Variants in PPARGC1A observed in about 807,000 individuals in gnomAD.
PPARGC1A encodes the protein peroxisome proliferator-activated receptor gamma coactivator 1-alpha.
PPARGC1A carries 25 observed loss-of-function variants against 88.7 expected under a neutral mutation model. That is an observed-to-expected ratio of 0.28 (90% confidence interval 0.21 to 0.39). PPARGC1A has a LOEUF of 0.39. Among genes scored for constraint, PPARGC1A ranks in the 10% least tolerant of loss-of-function variants. The pLI is 1.00. For synonymous variants in PPARGC1A, 363 were observed against 355.6 expected (o/e 1.02, Z -0.24); for missense variants, 880 against 968.7 (o/e 0.91, Z 1.22).
chr4:24,329,903 G>A, the PPARGC1A span, among the ~76,000 whole-genome samples: 2 of 152,182 alleles, frequency 1.3e-5, no homozygotes, highest in African/African-American at 4.8e-5. Context: ...AAACTAGGGA[G>A]TGAGTATTCT....
At chr4:24,199,375 AAAT>A in the PPARGC1A span, among the ~76,000 whole-genome samples, 1 of 152,116 alleles carries the variant, frequency 6.6e-6, no homozygotes, top group Non-Finnish European at 1.5e-5. Context: ...CAGCCACAGA[AAAT>A]AATAATAATA....
chr4:24,255,025 T>A, the PPARGC1A span, among the ~76,000 whole-genome samples: 1 of 152,196 alleles, frequency 6.6e-6, no homozygotes, highest in Non-Finnish European at 1.5e-5. Context: ...TTGTAAAGAC[T>A]GAGCATATTT....
intron 10 of PPARGC1A, among the ~76,000 whole-genome samples, chr4:23,805,034 T>C (rs1719527160): frequency 6.6e-6 from 1 of 152,210 alleles, no homozygotes; most frequent in African/African-American, 2.4e-5. Context: ...CACTACTGTA[T>C]TTTAAACAAA....
chr4:24,448,202 C>A, the PPARGC1A span, among the ~76,000 whole-genome samples: 1 of 152,158 alleles, frequency 6.6e-6, no homozygotes, highest in African/African-American at 2.4e-5. Context: ...GATGAAACAG[C>A]CTTGGCCCAG....
chr4:24,035,632 A>G, the PPARGC1A span, among the ~76,000 whole-genome samples: 37 of 152,244 alleles, frequency 2.4e-4, no homozygotes, highest in African/African-American at 7.7e-4. Context: ...GTAGAGCTTC[A>G]TATAGCTTAA....
chr4:24,168,100 G>C, the PPARGC1A span, among the ~76,000 whole-genome samples: 1 of 152,198 alleles, frequency 6.6e-6, no homozygotes. Context: ...TATACATAAT[G>C]CTATCACACA....
At chr4:24,189,262 T>C in the PPARGC1A span, among the ~76,000 whole-genome samples, 1 of 152,146 alleles carries the variant, frequency 6.6e-6, no homozygotes, top group African/African-American at 2.4e-5. Flanking sequence ...TTAATATCGC[T>C]GAACTATATG....
the PPARGC1A span, among the ~76,000 whole-genome samples, chr4:24,225,757 G>A: frequency 1.3e-5 from 2 of 152,020 alleles, no homozygotes; most frequent in Admixed American, 1.3e-4. Flanking sequence ...GGAGGAATAG[G>A]TTTGGATGGA....
the PPARGC1A span, among the ~76,000 whole-genome samples, chr4:23,915,234 T>C: frequency 3.9e-5 from 6 of 152,184 alleles, no homozygotes; most frequent in African/African-American, 1.2e-4. Context: ...AATAGGAATA[T>C]CATATCAATA....
intron 2 of PPARGC1A, among the ~76,000 whole-genome samples, chr4:23,865,108 C>A (rs934350839): frequency 2.0e-5 from 3 of 152,118 alleles, no homozygotes; most frequent in African/African-American, 7.2e-5. Flanking sequence ...TCACTTGAAC[C>A]TGGGAGGTGG....
the PPARGC1A span, among the ~76,000 whole-genome samples, chr4:23,928,307 T>C: frequency 1.1e-4 from 16 of 152,268 alleles, no homozygotes; most frequent in East Asian, 3.1e-3. Context: ...ATTTCTCTTG[T>C]ATCTCCAGGC....
the PPARGC1A span, among the ~76,000 whole-genome samples, chr4:24,237,506 A>C: frequency 6.6e-6 from 1 of 152,186 alleles, no homozygotes; most frequent in Non-Finnish European, 1.5e-5. Flanking sequence ...ATATATAGAT[A>C]TGAGTTTCAT....
At chr4:24,387,497 G>A in the PPARGC1A span, among the ~76,000 whole-genome samples, 28 of 152,058 alleles carry the variant, frequency 1.8e-4, no homozygotes, top group South Asian at 1.9e-3. Context: ...AGGCTGAGGC[G>A]GGTGGATCAT....
the PPARGC1A span, among the ~76,000 whole-genome samples, chr4:24,067,403 A>G: frequency 6.6e-6 from 1 of 152,218 alleles, no homozygotes; most frequent in African/African-American, 2.4e-5. Context: ...ACAGACATCA[A>G]AATGCCCCCA....
chr4:24,249,728 G>A, the PPARGC1A span, among the ~76,000 whole-genome samples: 5 of 152,154 alleles, frequency 3.3e-5, no homozygotes, highest in African/African-American at 1.2e-4. Context: ...TCTGAACGTG[G>A]GGATATCTGG....
intron 10 of PPARGC1A, among the ~76,000 whole-genome samples, chr4:23,804,617 C>T (rs959824126): frequency 6.6e-6 from 1 of 152,196 alleles, no homozygotes; most frequent in Non-Finnish European, 1.5e-5. Flanking sequence ...ATTAACAAGA[C>T]CTACAAGGCC....
the PPARGC1A span, among the ~76,000 whole-genome samples, chr4:24,168,747 C>G: frequency 1.3e-5 from 2 of 152,104 alleles, no homozygotes; most frequent in Non-Finnish European, 2.9e-5. Flanking sequence ...AAGAAAAATA[C>G]TACGGTGTTG....
the PPARGC1A span, among the ~76,000 whole-genome samples, chr4:24,020,212 GATC>G: frequency 2.4e-3 from 362 of 152,270 alleles, 3 homozygotes; most frequent in African/African-American, 8.3e-3. Context: ...ATTGTTCAAA[GATC>G]ATTATCATGG....
At chr4:24,139,295 G>C in the PPARGC1A span, among the ~76,000 whole-genome samples, 1 of 151,954 alleles carries the variant, frequency 6.6e-6, no homozygotes, top group Non-Finnish European at 1.5e-5. Flanking sequence ...CACACGCCCG[G>C]CTAATTTTTT....
Sources: allele counts gnomAD v4.1 joint callset (sites outside exome capture counted in the v4.1 genomes callset), GRCh38; gene constraint gnomAD v4.1.1; transcripts MANE v1.5; gene names NCBI Gene and HGNC (gene_info 2026-07-23, HGNC 2026-07-21).